The following RGS12 variants were observed in gnomAD, a reference collection of about 807,000 sequenced individuals.
RGS12 encodes regulator of G protein signaling 12, also known as regulator of G-protein signaling 12.
RGS12 carries 66 observed loss-of-function variants against 120.1 expected under a neutral mutation model. That is an observed-to-expected ratio of 0.55 (90% confidence interval 0.45 to 0.67). RGS12 has a LOEUF of 0.67. RGS12 is among the 30% of genes least tolerant of loss of function. The pLI is 0.00. For missense variants in RGS12, 1,859 were observed against 1,957.7 expected (o/e 0.95, Z 0.95); for synonymous variants, 827 against 804.7 (o/e 1.03, Z -0.47).
At chr4:3,360,616 C>G (rs1227137232) in intron 3 of RGS12, among the ~76,000 whole-genome samples, 1 of 151,926 alleles carries the variant, frequency 6.6e-6, no homozygotes, top group African/African-American at 2.4e-5. Context: ...TTATGAAGGG[C>G]AAAAGAAAGT....
At chr4:3,377,687 C>A (rs963394027) in intron 3 of RGS12, among the ~76,000 whole-genome samples, 2 of 152,166 alleles carry the variant, frequency 1.3e-5, no homozygotes, top group Non-Finnish European at 2.9e-5. Flanking sequence ...TAATTTAAAA[C>A]TTTCAAAACA....
chr4:3,321,322 C>T (rs1725171106), intron 2 of RGS12, among the ~76,000 whole-genome samples: 2 of 152,090 alleles, frequency 1.3e-5, no homozygotes, highest in African/African-American at 4.8e-5. Flanking sequence ...GAAGCAGCTC[C>T]AGGTGAGGAT....
chr4:3,391,473 G>A (rs1719492631), intron 4 of RGS12, among the ~76,000 whole-genome samples: 1 of 152,232 alleles, frequency 6.6e-6, no homozygotes, highest in South Asian at 2.1e-4. Context: ...CAGGGGGCCT[G>A]TGCCTGAGAA....
At chr4:3,382,698 G>A (rs1306270637) in intron 3 of RGS12, among the ~76,000 whole-genome samples, 2 of 152,218 alleles carry the variant, frequency 1.3e-5, no homozygotes, top group African/African-American at 4.8e-5. Context: ...TGTGGTCAGT[G>A]TAATTGTTTT....
rs772159195 is a variant in RGS12 at position 3,318,062 on chromosome 4, C to CA, written c.1881+12dup. 1 of 1,588,086 alleles carries CA rather than the reference C, an allele frequency of 6.3e-7. No homozygotes were observed. The highest frequency in any genetic ancestry group is 8.6e-7 in the Non-Finnish European group (1 of 1,165,776). On this transcript the variant is annotated intron_variant, in intron 2 of 17. Coordinates refer to ENST00000336727, the MANE Select transcript of RGS12 (RefSeq NM_001394154.1). ...AAGGAAGATAAAAAGGTAAGCCTGC[C>CA]AGGAGCCACTCAGCGCGGAGGCCCG...
At chr4:3,332,019 A>G (rs1578747200) in intron 2 of RGS12, among the ~76,000 whole-genome samples, 1 of 152,046 alleles carries the variant, frequency 6.6e-6, no homozygotes, top group East Asian at 1.9e-4. Context: ...AGGGGCTGGG[A>G]AGCAGTGGAC....
chr4:3,375,593 A>C (rs1214118629), intron 3 of RGS12, among the ~76,000 whole-genome samples: 1 of 60,314 alleles, frequency 1.7e-5, no homozygotes, highest in Non-Finnish European at 3.0e-5. Flanking sequence ...TCCAGCCCTC[A>C]TCTCCAGCCT....
intron 3 of RGS12, among the ~76,000 whole-genome samples, chr4:3,371,241 G>T (rs977738860): frequency 1.3e-5 from 2 of 152,326 alleles, no homozygotes; most frequent in Non-Finnish European, 2.9e-5. Context: ...CGTGAGGCTC[G>T]GGGAGCAGCT....
At chr4:3,425,349 TCTC>T (rs1315099286) in intron 13 of RGS12, 112 bp from the exon 14 acceptor site, 9 of 918,300 alleles carry the variant, frequency 9.8e-6, no homozygotes, top group Non-Finnish European at 1.2e-5. Flanking sequence ...CTCGGGGCCA[TCTC>T]CTGCGTGACT....
intron 1 of RGS12, chr4:3,314,395 A>AT (rs1553928453): frequency 1.3e-5 from 2 of 152,104 alleles, no homozygotes; most frequent in African/African-American, 4.8e-5. Context: ...TAAAACAATT[A>AT]TTTATTTTAT....
At chr4:3,355,201 A>G (rs1714753647) in intron 3 of RGS12, among the ~76,000 whole-genome samples, 1 of 152,232 alleles carries the variant, frequency 6.6e-6, no homozygotes, top group Admixed American at 6.5e-5. Context: ...TTATCTCAAC[A>G]GAAGCAGGAA....
the RGS12 span, among the ~76,000 whole-genome samples, chr4:3,287,287 C>T: frequency 1.3e-5 from 2 of 152,114 alleles, no homozygotes; most frequent in Non-Finnish European, 2.9e-5. Flanking sequence ...ATTTATTTCA[C>T]GTTTATTTTC....
At chr4:3,398,709 C>T (rs1426667379) in intron 4 of RGS12, among the ~76,000 whole-genome samples, 2 of 151,814 alleles carry the variant, frequency 1.3e-5, no homozygotes, top group Non-Finnish European at 2.9e-5. Context: ...TTATTACACA[C>T]CTTTTTCAGA....
chr4:3,354,271 A>G (rs764944148), intron 3 of RGS12, among the ~76,000 whole-genome samples: 3 of 152,188 alleles, frequency 2.0e-5, no homozygotes, highest in Non-Finnish European at 4.4e-5. Context: ...GCTCACCTTT[A>G]CAAGTCCTGA....
chr4:3,382,010 C>T (rs1287057683), intron 3 of RGS12, among the ~76,000 whole-genome samples: 1 of 152,220 alleles, frequency 6.6e-6, no homozygotes, highest in African/African-American at 2.4e-5. Context: ...CCACTTTGTA[C>T]ACCACAAAGT....
intron 4 of RGS12, among the ~76,000 whole-genome samples, chr4:3,412,252 G>A (rs942121692): frequency 6.0e-4 from 91 of 152,368 alleles, no homozygotes; most frequent in African/African-American, 2.1e-3. Context: ...CAAAGCCCTG[G>A]TTTGGTCTCC....
Position 3,316,149 on chromosome 4 carries a change from T to G in RGS12, c.-22T>G, listed in dbSNP as rs771652354. The G allele has an allele frequency of 2.0e-6, 3 of 1,523,240 alleles. No homozygotes were observed. The South Asian group carries it at 4.0e-5, about 20-fold the overall frequency. The allele number at this position is 1,523,240 out of a possible 1,614,324, so 94.4% of individuals were successfully genotyped here. Reference sequence around the variant, plus strand: ...TCCAAGGGAACAATGAGACGTGCTCTTGGTCTTGGAAGCTCATCAGAATGT... The same window carrying G: ...TCCAAGGGAACAATGAGACGTGCTCGTGGTCTTGGAAGCTCATCAGAATGT... On this transcript the variant is annotated 5_prime_UTR_variant, in exon 2 of 18. Coordinates refer to ENST00000336727, the MANE Select transcript of RGS12 (RefSeq NM_001394154.1).
intron 14 of RGS12, among the ~76,000 whole-genome samples, chr4:3,427,660 C>T (rs1401577318): frequency 6.6e-6 from 1 of 152,132 alleles, no homozygotes; most frequent in Non-Finnish European, 1.5e-5. Context: ...TGCTTGAACC[C>T]AGGATGCGGG....
intron 4 of RGS12, among the ~76,000 whole-genome samples, chr4:3,396,077 A>T (rs1442107190): frequency 5.3e-5 from 8 of 151,556 alleles, no homozygotes; most frequent in Non-Finnish European, 1.5e-5. Flanking sequence ...TTGTATTGTT[A>T]TTTTTTTTCC....
Sources: allele counts gnomAD v4.1 joint callset (sites outside exome capture counted in the v4.1 genomes callset), GRCh38; gene constraint gnomAD v4.1.1; transcripts MANE v1.5; gene names NCBI Gene and HGNC (gene_info 2026-07-23, HGNC 2026-07-21).